Variants in PDZRN4 observed in about 807,000 individuals in gnomAD.
PDZRN4 encodes the protein PDZ domain containing ring finger 4, also known as PDZ domain-containing RING finger protein 4.
In PDZRN4, 70 loss-of-function variants were observed where a neutral mutation model predicts 99.0. That is an observed-to-expected ratio of 0.71 (90% CI 0.58 to 0.86). PDZRN4 has a LOEUF of 0.86. Ranked by LOEUF, PDZRN4 falls within the 40% of genes least tolerant of loss-of-function variation. The pLI, the probability that PDZRN4 is intolerant of heterozygous loss-of-function variation, is 0.00. For synonymous variants in PDZRN4, 551 were observed against 501.6 expected, an observed-to-expected ratio of 1.10 and a Z score of -1.32; for missense variants, 1,474 against 1,331.2, an observed-to-expected ratio of 1.11 and a Z score of -1.67.
intron 3 of PDZRN4, among the ~76,000 whole-genome samples, chr12:41,478,118 G>GT (rs1937621853): frequency 6.6e-6 from 1 of 151,798 alleles, no homozygotes; most frequent in African/African-American, 2.4e-5. Context: ...AAATTTTTTT[G>GT]TTTTTTGTTT....
At chr12:41,542,943 A>G (rs543474463) in intron 5 of PDZRN4, among the ~76,000 whole-genome samples, 1 of 152,196 alleles carries the variant, frequency 6.6e-6, no homozygotes, top group Admixed American at 6.5e-5. Context: ...ATAATTGCTT[A>G]TGTTTTATAT....
At chr12:41,398,999 C>T (rs1952271087) in intron 3 of PDZRN4, among the ~76,000 whole-genome samples, 1 of 152,068 alleles carries the variant, frequency 6.6e-6, no homozygotes, top group South Asian at 2.1e-4. Flanking sequence ...CAAGCACTTG[C>T]AAAAGTATCT....
chr12:41,202,882 T>C (rs1246876098), intron 3 of PDZRN4, among the ~76,000 whole-genome samples: 1 of 151,998 alleles, frequency 6.6e-6, no homozygotes, highest in Non-Finnish European at 1.5e-5. Context: ...CCTGACAAAA[T>C]ATATAATGTT....
At chr12:41,275,913 G>T (rs1951347346) in intron 3 of PDZRN4, among the ~76,000 whole-genome samples, 1 of 152,158 alleles carries the variant, frequency 6.6e-6, no homozygotes, top group African/African-American at 2.4e-5. Context: ...GTGATTTTGA[G>T]GGATGTGAGA....
At chr12:41,206,583 T>C (rs550154500) in intron 3 of PDZRN4, among the ~76,000 whole-genome samples, 2 of 151,692 alleles carry the variant, frequency 1.3e-5, no homozygotes, top group African/African-American at 2.4e-5. Context: ...TTAGAAATCC[T>C]GCCTTTTGCT....
At chr12:41,314,824 T>A (rs1466234264) in intron 3 of PDZRN4, among the ~76,000 whole-genome samples, 3 of 152,148 alleles carry the variant, frequency 2.0e-5, no homozygotes, top group Non-Finnish European at 4.4e-5. Context: ...TTTTTTTCTT[T>A]TTCAAGTTTT....
intron 3 of PDZRN4, among the ~76,000 whole-genome samples, chr12:41,231,407 T>C (rs371820954): frequency 7.9e-5 from 12 of 152,220 alleles, no homozygotes; most frequent in Admixed American, 6.6e-4. Context: ...AGATTTGGTC[T>C]GTTGTGACAC....
chr12:41,439,612 T>C (rs1040848038), intron 3 of PDZRN4, among the ~76,000 whole-genome samples: 6 of 152,150 alleles, frequency 3.9e-5, no homozygotes, highest in Non-Finnish European at 5.9e-5. Flanking sequence ...GGAGCCTTTG[T>C]TATGGATTTT....
chr12:41,230,654 A>G (rs1486678801), intron 3 of PDZRN4, among the ~76,000 whole-genome samples: 1 of 152,138 alleles, frequency 6.6e-6, no homozygotes, highest in Non-Finnish European at 1.5e-5. Flanking sequence ...TTCCTTGGAA[A>G]TGGTAGATTC....
At chr12:41,417,190 A>C (rs1182329457) in intron 3 of PDZRN4, among the ~76,000 whole-genome samples, 1 of 152,178 alleles carries the variant, frequency 6.6e-6, no homozygotes, top group Non-Finnish European at 1.5e-5. Flanking sequence ...GATATTTTTA[A>C]CATTTTTGGA....
chr12:41,329,341 A>G (rs907729290), intron 3 of PDZRN4, among the ~76,000 whole-genome samples: 3 of 152,132 alleles, frequency 2.0e-5, no homozygotes, highest in African/African-American at 7.2e-5. Context: ...ATACCTACAC[A>G]TTCTAAGCTG....
chr12:41,202,566 A>G (rs1035948559), intron 3 of PDZRN4, among the ~76,000 whole-genome samples: 3 of 152,052 alleles, frequency 2.0e-5, no homozygotes, highest in Non-Finnish European at 2.9e-5. Context: ...CTTTATAGAC[A>G]GTACTTTTAA....
intron 3 of PDZRN4, among the ~76,000 whole-genome samples, chr12:41,504,326 A>T (rs2120668247): frequency 6.6e-6 from 1 of 152,226 alleles, no homozygotes; most frequent in Middle Eastern, 3.4e-3. Flanking sequence ...TGTGACTGAG[A>T]TTTCTTTTCA....
intron 3 of PDZRN4, among the ~76,000 whole-genome samples, chr12:41,484,178 T>C (rs1937730708): frequency 6.6e-6 from 1 of 152,162 alleles, no homozygotes; most frequent in East Asian, 1.9e-4. Context: ...GGGAGGATTT[T>C]TCCTCACAAG....
chr12:41,446,009 A>G lies in PDZRN4; in HGVS notation c.844-60447A>G, dbSNP rs144388955. 3.9e-4 allele frequency among the ~76,000 whole-genome samples: 59 copies of G among 152,082 alleles called. 1 individual carries two copies. In the East Asian group the frequency reaches 7.7e-3, roughly 20 times the overall value. ...TTCTTTATTAATTCTATCACTTTCAATGTGGAATACTAGCCTTAAAAGGGT... is the reference window on the plus strand; with the variant it reads ...TTCTTTATTAATTCTATCACTTTCAGTGTGGAATACTAGCCTTAAAAGGGT... On this transcript the variant is annotated intron_variant, in intron 3 of 9. Transcript: ENST00000402685.
chr12:41,271,187 A>C (rs565780820), intron 3 of PDZRN4, among the ~76,000 whole-genome samples: 2 of 148,548 alleles, frequency 1.3e-5, no homozygotes, highest in East Asian at 4.8e-4. Flanking sequence ...TAGAGATTTT[A>C]AAAAAACTAA....
At chr12:41,321,286 A>G (rs1345357336) in intron 3 of PDZRN4, among the ~76,000 whole-genome samples, 1 of 152,164 alleles carries the variant, frequency 6.6e-6, no homozygotes, top group Non-Finnish European at 1.5e-5. Context: ...CACTGCCTCA[A>G]TGGCACAGAA....
chr12:41,460,706 T>G (rs1231109559), intron 3 of PDZRN4, among the ~76,000 whole-genome samples: 1 of 152,190 alleles, frequency 6.6e-6, no homozygotes, highest in Non-Finnish European at 1.5e-5. Context: ...TACGTAGATG[T>G]AAATATAGGA....
At chr12:41,499,915 T>C (rs1938081044) in intron 3 of PDZRN4, among the ~76,000 whole-genome samples, 1 of 152,066 alleles carries the variant, frequency 6.6e-6, no homozygotes, top group South Asian at 2.1e-4. Context: ...AATTCAATAC[T>C]GTTACATACG....
Sources: gnomAD v4.1 joint callset for allele counts (sites outside exome capture counted in the v4.1 genomes callset) on GRCh38, gnomAD v4.1.1 for gene constraint, MANE v1.5 for transcripts, NCBI Gene and HGNC (gene_info 2026-07-23, HGNC 2026-07-21) for gene names.